Variants in SLC35H1 observed in about 807,000 individuals in gnomAD.
The protein encoded by SLC35H1 is solute carrier family 35 member H1.
chr20:46,354,747 CA>C, the SLC35H1 span: 1 of 780,632 alleles, frequency 1.3e-6, no homozygotes, highest in Non-Finnish European at 2.1e-6. Context: ...TGCTGGACCC[CA>C]AACCATGCGC....
chr20:46,348,534 C>A, the SLC35H1 span: 2 of 152,256 alleles, frequency 1.3e-5, no homozygotes, highest in Non-Finnish European at 1.5e-5. Flanking sequence ...CTTGCGGAAT[C>A]CAAGGGGGGC....
chr20:46,356,815 T>C, the SLC35H1 span, among the ~76,000 whole-genome samples: 1 of 152,090 alleles, frequency 6.6e-6, no homozygotes, highest in African/African-American at 2.4e-5. Flanking sequence ...CCCCCAAAGG[T>C]CGGGGGCTGC....
At chr20:46,363,884 G>C in the SLC35H1 span, among the ~76,000 whole-genome samples, 1 of 152,258 alleles carries the variant, frequency 6.6e-6, no homozygotes, top group Non-Finnish European at 1.5e-5. Context: ...CCTGCCACGT[G>C]TCAAACACAT....
chr20:46,360,349 G>A, the SLC35H1 span, among the ~76,000 whole-genome samples: 1 of 152,106 alleles, frequency 6.6e-6, no homozygotes, highest in African/African-American at 2.4e-5. Context: ...GGCACTAGTG[G>A]TTTTCGAGGT....
At chr20:46,350,334 C>T in the SLC35H1 span, 14 of 1,534,746 alleles carry the variant, frequency 9.1e-6, no homozygotes, top group Non-Finnish European at 1.1e-5. Context: ...GGCTTGAGCA[C>T]AGTGAGTGCT....
At chr20:46,354,370 C>T in the SLC35H1 span, among the ~76,000 whole-genome samples, 1 of 152,204 alleles carries the variant, frequency 6.6e-6, no homozygotes, top group South Asian at 2.1e-4. Flanking sequence ...GCCTGGGAAG[C>T]CTTTCTGACT....
chr20:46,356,774 T>C, the SLC35H1 span: 2 of 741,296 alleles, frequency 2.7e-6, no homozygotes, highest in Admixed American at 2.5e-5. Flanking sequence ...GGGCCTTCTT[T>C]TCCACCAGCA....
the SLC35H1 span, chr20:46,355,912 C>T: frequency 6.2e-7 from 1 of 1,613,568 alleles, no homozygotes. The surrounding 1 kb of genome is among the most constrained non-coding windows in gnomAD (Gnocchi z 4.8). Flanking sequence ...TGCTGGAGCT[C>T]AGGGCTCAGA....
At chr20:46,361,414 T>C in the SLC35H1 span, among the ~76,000 whole-genome samples, 2 of 152,182 alleles carry the variant, frequency 1.3e-5, no homozygotes, top group African/African-American at 4.8e-5. Flanking sequence ...CCCAAATGAC[T>C]GCAGGAGTCT....
the SLC35H1 span, chr20:46,355,003 G>A: frequency 1.1e-5 from 18 of 1,613,558 alleles, no homozygotes; most frequent in Middle Eastern, 1.6e-4. The surrounding 1 kb of genome is among the most constrained non-coding windows in gnomAD (Gnocchi z 4.8). Flanking sequence ...GGTCTGGTCC[G>A]GCCCTGCCCT....
the SLC35H1 span, among the ~76,000 whole-genome samples, chr20:46,360,018 G>T: frequency 6.6e-6 from 1 of 152,212 alleles, no homozygotes; most frequent in Non-Finnish European, 1.5e-5. Context: ...GGAAACCTGT[G>T]GCGGTATTTT....
Sources: gnomAD v4.1 joint callset for allele counts (sites outside exome capture counted in the v4.1 genomes callset) on GRCh38, gnomAD v4.1.1 for gene constraint, Gnocchi (gnomAD v3.1) non-coding constraint, MANE v1.5 for transcripts, NCBI Gene and HGNC (gene_info 2026-07-23, HGNC 2026-07-21) for gene names.